EXOC6B: variants seen among roughly 807,000 people sequenced by gnomAD.
EXOC6B encodes the protein exocyst complex component 6B.
Under a neutral mutation model 113.5 loss-of-function variants are expected in EXOC6B, and 54 were observed. That is an observed-to-expected ratio of 0.48 (90% confidence interval 0.38 to 0.60). EXOC6B has a LOEUF of 0.60. Ranked by LOEUF, EXOC6B falls within the 20% of genes least tolerant of loss-of-function variation. EXOC6B has a pLI of 0.00. For missense variants in EXOC6B, 797 were observed against 977.5 expected (o/e 0.82, Z 2.46); for synonymous variants, 357 against 339.0 (o/e 1.05, Z -0.58).
chr2:72,470,638 C>T (rs2105443661), intron 17 of EXOC6B, among the ~76,000 whole-genome samples: 1 of 144,968 alleles, frequency 6.9e-6, no homozygotes, highest in Admixed American at 6.9e-5. Flanking sequence ...CCACAACAGG[C>T]CCCGGTGTGT....
At chr2:72,181,557 T>C (rs1038671379) in intron 21 of EXOC6B, among the ~76,000 whole-genome samples, 1 of 152,036 alleles carries the variant, frequency 6.6e-6, no homozygotes, top group African/African-American at 2.4e-5. Context: ...CAAAAAGAAA[T>C]GAAGAAAACC....
intron 16 of EXOC6B, among the ~76,000 whole-genome samples, chr2:72,483,955 TTACA>T (rs536901718): frequency 1.8e-3 from 268 of 152,284 alleles, no homozygotes; most frequent in African/African-American, 6.3e-3. Flanking sequence ...TGATTATCTC[TTACA>T]TAAAGTTCTA....
chr2:72,572,110 A>C (rs1401053897), intron 7 of EXOC6B, among the ~76,000 whole-genome samples: 1 of 152,160 alleles, frequency 6.6e-6, no homozygotes, highest in Non-Finnish European at 1.5e-5. Context: ...CAAGTACTGT[A>C]TTTATTGCCA....
intron 20 of EXOC6B, among the ~76,000 whole-genome samples, chr2:72,308,537 A>G (rs1490569164): frequency 2.0e-5 from 3 of 152,208 alleles, no homozygotes; most frequent in African/African-American, 7.2e-5. Context: ...TAACAGTAGT[A>G]TTTATCTCAC....
chr2:72,743,893 G>A (rs1681516669), intron 1 of EXOC6B, among the ~76,000 whole-genome samples: 1 of 152,108 alleles, frequency 6.6e-6, no homozygotes. Context: ...CTCAGCAGTA[G>A]CCATAGATGA....
intron 20 of EXOC6B, among the ~76,000 whole-genome samples, chr2:72,243,615 G>A (rs1251547290): frequency 6.6e-6 from 1 of 152,116 alleles, no homozygotes; most frequent in Non-Finnish European, 1.5e-5. Flanking sequence ...CACAGGGAGG[G>A]ATAGCATTAG....
At chr2:72,380,760 C>T (rs984688909) in intron 18 of EXOC6B, among the ~76,000 whole-genome samples, 4 of 152,028 alleles carry the variant, frequency 2.6e-5, no homozygotes, top group African/African-American at 4.8e-5. Context: ...AATATAAACT[C>T]TAGGTCAATT....
intron 17 of EXOC6B, among the ~76,000 whole-genome samples, chr2:72,474,023 CT>C (rs1190293290): frequency 7.3e-5 from 11 of 150,548 alleles, no homozygotes; most frequent in African/African-American, 2.4e-4. Flanking sequence ...AATAATTTCG[CT>C]GGATATAGTA....
At chr2:72,682,542 C>T (rs193147226) in intron 6 of EXOC6B, among the ~76,000 whole-genome samples, 1 of 152,056 alleles carries the variant, frequency 6.6e-6, no homozygotes, top group East Asian at 1.9e-4. Flanking sequence ...AAATGAATTT[C>T]GAATGGAGCA....
chr2:72,398,727 T>TACACACAC (rs60055732), intron 18 of EXOC6B, among the ~76,000 whole-genome samples: 3,630 of 138,964 alleles, frequency 0.026, 143 homozygotes, highest in African/African-American at 0.088. Flanking sequence ...TCTCTCTGTC[T>TACACACAC]ACACACACAC....
intron 18 of EXOC6B, among the ~76,000 whole-genome samples, chr2:72,459,424 T>A (rs1435321738): frequency 1.3e-5 from 2 of 152,176 alleles, no homozygotes; most frequent in Admixed American, 1.3e-4. Flanking sequence ...TGTCCCTGTT[T>A]GAAGATGACA....
In EXOC6B at chr2:72,514,645, A is replaced by C. The variant is rs932933238; in HGVS notation, c.1035T>G (p.Asn345Lys). ...ETLDGYRKYF[N>K]QIVGFFVVED... ...ATATATATACCTACCCTACAATTTG[A>C]TTAAAATACTTCCTGTAGCCATCTA... Residue 345 changes from asparagine to lysine, a missense_variant, in exon 10 of 22, where the codon AAT becomes AAG. Coordinates refer to ENST00000272427, the MANE Select transcript of EXOC6B (RefSeq NM_015189.3). 1.5e-5 allele frequency: 19 copies of C among 1,241,044 alleles called. No individual in the cohort carries two copies. The highest frequency in any genetic ancestry group is 2.0e-5 in the Non-Finnish European group (18 of 902,124). 76.9% of individuals were successfully genotyped at this position (1,241,044 alleles called of 1,614,324 possible).
At chr2:72,824,269 G>A (rs1024673684) in intron 1 of EXOC6B, among the ~76,000 whole-genome samples, 1 of 151,948 alleles carries the variant, frequency 6.6e-6, no homozygotes, top group African/African-American at 2.4e-5. Flanking sequence ...CACAGCTGTA[G>A]TCCCAGCTAC....
intron 18 of EXOC6B, among the ~76,000 whole-genome samples, chr2:72,390,579 G>C (rs562709832): frequency 6.6e-6 from 1 of 152,112 alleles, no homozygotes; most frequent in East Asian, 1.9e-4. Flanking sequence ...AGTTACTCCC[G>C]GATCAGTGTG....
intron 18 of EXOC6B, chr2:72,462,819 G>C (rs1418612619): frequency 6.6e-6 from 1 of 151,940 alleles, no homozygotes; most frequent in Non-Finnish European, 1.5e-5. Context: ...TTATTTTATA[G>C]AACTTCTAAA....
intron 1 of EXOC6B, among the ~76,000 whole-genome samples, chr2:72,758,543 C>T (rs185579818): frequency 9.5e-4 from 144 of 152,158 alleles, no homozygotes; most frequent in Non-Finnish European, 1.6e-3. Context: ...GCCATGTTTC[C>T]ATTAGGAAAC....
chr2:72,194,865 G>T lies in EXOC6B; in HGVS notation c.2197-10678C>A, dbSNP rs145898903. On this transcript the variant is annotated intron_variant, in intron 20 of 21. Coordinates refer to ENST00000272427, the MANE Select transcript of EXOC6B (RefSeq NM_015189.3). ...GCTTTGCAACAACGGCCAGTAACAG[G>T]TTGGTTCCTGGCCCTACGTCTGAAC... Among the ~76,000 whole-genome samples, 7 of 152,220 alleles carry T rather than the reference G, an allele frequency of 4.6e-5. No individual in the cohort carries two copies. The East Asian group carries it at 7.7e-4, about 17-fold the overall frequency.
chr2:72,241,352 C>G (rs1347569352), intron 20 of EXOC6B, among the ~76,000 whole-genome samples: 1 of 151,902 alleles, frequency 6.6e-6, no homozygotes, highest in Non-Finnish European at 1.5e-5. Context: ...ATGAAAAAGG[C>G]AGAAAAGATT....
At chr2:72,434,440 C>G (rs1695735998) in intron 18 of EXOC6B, among the ~76,000 whole-genome samples, 1 of 152,126 alleles carries the variant, frequency 6.6e-6, no homozygotes, top group South Asian at 2.1e-4. Context: ...AGGGAGGAGT[C>G]CCTCTTTTAC....
Sources: gnomAD v4.1 joint callset for allele counts (sites outside exome capture counted in the v4.1 genomes callset) on GRCh38, gnomAD v4.1.1 for gene constraint, MANE v1.5 for transcripts, NCBI Gene and HGNC (gene_info 2026-07-23, HGNC 2026-07-21) for gene names.